Variants in GALNT16 observed in about 807,000 individuals in gnomAD.
GALNT16 encodes UDP-GalNAc:polypeptide N-acetylgalactosaminyltransferase-like protein 1.
GALNT16 carries 40 observed loss-of-function variants against 76.1 expected under a neutral mutation model. That is an observed-to-expected ratio of 0.53 (90% confidence interval 0.41 to 0.68). The LOEUF (loss-of-function observed/expected upper bound fraction) is 0.68. Among genes scored for constraint, GALNT16 ranks in the 30% least tolerant of loss-of-function variants. The pLI, the probability that GALNT16 is intolerant of heterozygous loss-of-function variation, is 0.00. For missense variants in GALNT16, 621 were observed against 731.9 expected (o/e 0.85, Z 1.75); for synonymous variants, 276 against 285.2 (o/e 0.97, Z 0.32).
chr14:69,366,691 T>C, the GALNT16 span, among the ~76,000 whole-genome samples: 3 of 152,344 alleles, frequency 2.0e-5, no homozygotes, highest in Admixed American at 1.3e-4. Context: ...TACTCCTTTA[T>C]AATGGAACCA....
intron 1 of GALNT16, among the ~76,000 whole-genome samples, chr14:69,282,876 G>A (rs1024558044): frequency 6.6e-6 from 1 of 152,074 alleles, no homozygotes; most frequent in Admixed American, 6.6e-5. Flanking sequence ...ATGTTGGCCA[G>A]GCTGGTCTCA....
At chr14:69,335,851 C>T (rs1253187609) in intron 9 of GALNT16, among the ~76,000 whole-genome samples, 3 of 152,128 alleles carry the variant, frequency 2.0e-5, no homozygotes, top group East Asian at 1.9e-4. Flanking sequence ...ATTCCAAACT[C>T]GGGAGCCCAG....
intron 1 of GALNT16, among the ~76,000 whole-genome samples, chr14:69,303,627 G>A (rs151159065): frequency 3.9e-4 from 58 of 150,332 alleles, no homozygotes; most frequent in African/African-American, 1.4e-3. Flanking sequence ...AGTAACAACC[G>A]AAAGGATGGA....
chr14:69,303,852 G>A (rs8011772), intron 1 of GALNT16, among the ~76,000 whole-genome samples: 24,459 of 151,888 alleles, frequency 0.16, 2,715 homozygotes, highest in East Asian at 0.43. Flanking sequence ...TGATTTCAGA[G>A]GTATAATTAT....
the GALNT16 span, among the ~76,000 whole-genome samples, chr14:69,368,864 C>G: frequency 6.6e-6 from 1 of 152,132 alleles, no homozygotes; most frequent in Non-Finnish European, 1.5e-5. Flanking sequence ...TGGGAAAGAG[C>G]TGGCCTGTGA....
At chr14:69,270,513 C>T (rs965758779) in intron 1 of GALNT16, among the ~76,000 whole-genome samples, 5 of 152,244 alleles carry the variant, frequency 3.3e-5, no homozygotes, top group African/African-American at 9.6e-5. Flanking sequence ...TTCATCTTCT[C>T]ACAGCAGCTC....
intron 1 of GALNT16, among the ~76,000 whole-genome samples, chr14:69,314,804 G>A (rs560902939): frequency 2.0e-5 from 3 of 152,102 alleles, no homozygotes; most frequent in Non-Finnish European, 4.4e-5. Flanking sequence ...TATTCACCAG[G>A]TGTTTTTGGT....
chr14:69,327,541 T>C (rs1255307314), intron 5 of GALNT16, among the ~76,000 whole-genome samples: 1 of 152,196 alleles, frequency 6.6e-6, no homozygotes, highest in Admixed American at 6.5e-5. Context: ...AATGTAAATT[T>C]ATGACTCGAT....
chr14:69,332,137 T>A (rs1279742576), intron 7 of GALNT16, among the ~76,000 whole-genome samples: 2 of 152,264 alleles, frequency 1.3e-5, no homozygotes, highest in African/African-American at 4.8e-5. Flanking sequence ...AGTAATTTTT[T>A]GTATTGATTA....
chr14:69,377,242 T>C, the GALNT16 span, among the ~76,000 whole-genome samples: 1 of 152,226 alleles, frequency 6.6e-6, no homozygotes, highest in African/African-American at 2.4e-5. Context: ...CAGCTATTCA[T>C]ATTATGGGGC....
intron 13 of GALNT16, among the ~76,000 whole-genome samples, chr14:69,347,469 C>A (rs2045581350): frequency 6.6e-6 from 1 of 152,182 alleles, no homozygotes; most frequent in Non-Finnish European, 1.5e-5. Context: ...ATGTGACAGG[C>A]AATGTCCAAG....
the GALNT16 span, chr14:69,379,996 T>A: frequency 7.6e-6 from 1 of 131,202 alleles, no homozygotes; most frequent in Non-Finnish European, 1.6e-5. Flanking sequence ...GCAAAATGTG[T>A]TGCGCACTAC....
Position 69,267,118 on chromosome 14 carries a change from G to T in GALNT16, c.177+6651G>T, listed in dbSNP as rs529153316. 1.2e-4 allele frequency among the ~76,000 whole-genome samples: 18 copies of T among 152,312 alleles called. No homozygotes were observed. In the South Asian group the frequency reaches 1.2e-3, roughly 11 times the overall value. On this transcript the variant is annotated intron_variant, in intron 1 of 14. Transcript: ENST00000448469. Reference sequence around the variant, plus strand: ...GTCTCCCAGACCCCTGACTGTTGCTGCCTGGGGCGGCGCTGGCTGGCAGTG... The same window carrying T: ...GTCTCCCAGACCCCTGACTGTTGCTTCCTGGGGCGGCGCTGGCTGGCAGTG...
At chr14:69,291,986 C>G (rs2044692940) in intron 1 of GALNT16, among the ~76,000 whole-genome samples, 1 of 152,216 alleles carries the variant, frequency 6.6e-6, no homozygotes, top group Non-Finnish European at 1.5e-5. Context: ...TCAGATACCC[C>G]TCCTGGGCAC....
chr14:69,288,502 C>A (rs920352784), intron 1 of GALNT16, among the ~76,000 whole-genome samples: 1 of 152,202 alleles, frequency 6.6e-6, no homozygotes, highest in Non-Finnish European at 1.5e-5. Flanking sequence ...CACCAGTAAC[C>A]CTGGCCCCTA....
chr14:69,329,359 G>GA (rs981999299), intron 6 of GALNT16, among the ~76,000 whole-genome samples: 5 of 151,026 alleles, frequency 3.3e-5, no homozygotes, highest in South Asian at 2.1e-4. Flanking sequence ...TCCATCTCAA[G>GA]AAAAAAAAAT....
chr14:69,296,005 T>C (rs1021018635), intron 1 of GALNT16, among the ~76,000 whole-genome samples: 1 of 152,190 alleles, frequency 6.6e-6, no homozygotes, highest in Non-Finnish European at 1.5e-5. Flanking sequence ...AAGAAATACC[T>C]GACATTAGGT....
chr14:69,333,585 G>A lies in GALNT16; in HGVS notation c.952G>A (p.Gly318Arg), dbSNP rs774527868. ...GKYDAQMDIW[G>R]GENFELSFRV... ...GTATGATGCCCAGATGGACATCTGG[G>A]GGGGAGAGAATTTTGGTGAGTTGGG... is the stretch of plus-strand genomic sequence containing the variant. The change falls in exon 9 of 15, where the codon GGG (glycine) becomes AGG (arginine). Residue 318 changes from glycine to arginine, a missense_variant. Gly to Arg is a moderately radical substitution (Grantham distance 125, BLOSUM62 -2). Coordinates refer to ENST00000448469, the MANE Select transcript of GALNT16 (RefSeq NM_001168368.2). The surrounding 1 kb of genome is among the most constrained non-coding windows in gnomAD (Gnocchi z 4.2). 2.0e-5 allele frequency: 32 copies of A among 1,570,046 alleles called. No individual in the cohort carries two copies. The highest frequency in any genetic ancestry group is 2.0e-4 in the East Asian group (9 of 44,662).
intron 2 of GALNT16, 31 bp downstream of exon 2, chr14:69,320,899 A>G (rs1340006183): frequency 1.9e-6 from 3 of 1,599,252 alleles, no homozygotes; most frequent in East Asian, 4.5e-5. Flanking sequence ...GTGGAGGAAG[A>G]AAGACTGAGA....
Sources: allele counts gnomAD v4.1 joint callset (sites outside exome capture counted in the v4.1 genomes callset), GRCh38; gene constraint gnomAD v4.1.1; non-coding constraint Gnocchi (gnomAD v3.1); transcripts MANE v1.5; gene names NCBI Gene and HGNC (gene_info 2026-07-23, HGNC 2026-07-21).